The following BEND7 variants were observed in gnomAD, a reference collection of about 807,000 sequenced individuals.
BEND7 encodes the protein BEN domain containing 7.
Under a neutral mutation model 50.9 loss-of-function variants are expected in BEND7, and 28 were observed. The ratio of observed to expected loss-of-function variants is 0.55; its 90% confidence interval spans 0.41 to 0.75. BEND7 has a LOEUF of 0.75. Among genes scored for constraint, BEND7 ranks in the 30% least tolerant of loss-of-function variants. The pLI, the probability that BEND7 is intolerant of heterozygous loss-of-function variation, is 0.00. For missense variants in BEND7, 477 were observed against 491.3 expected, an observed-to-expected ratio of 0.97 and a Z score of 0.28; for synonymous variants, 170 against 183.9, an observed-to-expected ratio of 0.92 and a Z score of 0.61.
intron 6 of BEND7, among the ~76,000 whole-genome samples, chr10:13,471,705 G>A (rs958595097): frequency 1.3e-5 from 2 of 152,216 alleles, no homozygotes; most frequent in Non-Finnish European, 2.9e-5. Context: ...CAAAGAATGA[G>A]GGCAGCTCAG....
intron 2 of BEND7, among the ~76,000 whole-genome samples, chr10:13,514,185 C>T (rs1013348223): frequency 8.5e-5 from 13 of 152,180 alleles, no homozygotes; most frequent in African/African-American, 3.1e-4. Context: ...CTTATCACAA[C>T]CTAGTGGGTT....
At position 13,500,041 on chromosome 10, in the gene BEND7, A is replaced by G; in HGVS notation, c.185T>C (p.Met62Thr). 6.2e-7 allele frequency: 1 copy of G among 1,603,518 alleles called. No homozygotes were observed. The highest frequency in any genetic ancestry group is 1.1e-5 in the South Asian group (1 of 90,718). Residue 62 changes from methionine (M) to threonine (T), a missense_variant, in exon 3 of 9, where the codon ATG becomes ACG. Physicochemically the swap from Met to Thr is moderately conservative, Grantham distance 81. Transcript: ENST00000466271. ...AGTGCTGTCGTTCAGCAATCTTCTC[A>G]TCCCTGTAATTTGCTTTTTTATTTC... ...SMEIKKQITG[M>T]RRLLNDSTGR...
chr10:13,519,090 C>T (rs2078901384), intron 2 of BEND7, among the ~76,000 whole-genome samples: 1 of 152,174 alleles, frequency 6.6e-6, no homozygotes, highest in Admixed American at 6.5e-5. Flanking sequence ...AATAAAGCCA[C>T]ACACAAAAAT....
chr10:13,444,631 T>A (rs1481292649), intron 8 of BEND7: 1 of 152,154 alleles, frequency 6.6e-6, no homozygotes, highest in Non-Finnish European at 1.5e-5. Context: ...AAACCACATG[T>A]GCGAGAAAGG....
intron 2 of BEND7, among the ~76,000 whole-genome samples, chr10:13,502,704 G>A (rs1344105258): frequency 6.6e-6 from 1 of 152,146 alleles, no homozygotes; most frequent in Non-Finnish European, 1.5e-5. Context: ...TTTCTGTGTG[G>A]TTTCCACCCA....
downstream of BEND7, among the ~76,000 whole-genome samples, chr10:13,440,236 C>A (rs114813722): frequency 6.3e-3 from 958 of 152,314 alleles, 8 homozygotes; most frequent in African/African-American, 0.022. Flanking sequence ...CCTGTGGGAT[C>A]AAGGGCATCC....
At chr10:13,469,187 C>T (rs12254951) in intron 6 of BEND7, among the ~76,000 whole-genome samples, 1 of 151,988 alleles carries the variant, frequency 6.6e-6, no homozygotes, top group African/African-American at 2.4e-5. Context: ...ATGCTAGGGT[C>T]GAGTATAAAA....
chr10:13,445,173 T>G (rs1206554645), intron 8 of BEND7: 2 of 152,194 alleles, frequency 1.3e-5, no homozygotes, highest in South Asian at 2.1e-4. Flanking sequence ...GCTTAGTGAT[T>G]TGTATCAAAT....
intron 7 of BEND7, among the ~76,000 whole-genome samples, chr10:13,452,268 T>C (rs904892526): frequency 3.3e-5 from 5 of 152,214 alleles, no homozygotes; most frequent in Middle Eastern, 3.2e-3. Context: ...GGTTTTCATA[T>C]ATGACAGCAT....
At chr10:13,517,065 CTTTTT>C (rs5783329) in intron 2 of BEND7, among the ~76,000 whole-genome samples, 3 of 126,132 alleles carry the variant, frequency 2.4e-5, no homozygotes, top group Non-Finnish European at 5.1e-5. Context: ...TTTCTGGTGG[CTTTTT>C]TTTTTTTTTT....
Position 13,492,591 on chromosome 10 carries a change from G to A in BEND7, c.837+20C>T. ...AAGTTACATAGCATTAGAGTCAGCA[G>A]CCAGAAAATGGCAACTTACATCTGA... On this transcript the variant is annotated intron_variant, in intron 5 of 8. Coordinates refer to ENST00000466271, the MANE Select transcript of BEND7 (RefSeq NM_001369863.1). 3 of 1,612,514 alleles carry A rather than the reference G, an allele frequency of 1.9e-6. No homozygotes were observed. The highest frequency in any genetic ancestry group is 2.5e-6 in the Non-Finnish European group (3 of 1,179,624).
At chr10:13,497,806 AG>A (rs1767823680) in intron 3 of BEND7, among the ~76,000 whole-genome samples, 1 of 152,186 alleles carries the variant, frequency 6.6e-6, no homozygotes, top group Admixed American at 6.5e-5. Context: ...CAGGCCAGCA[AG>A]GTAAGTTCCA....
At chr10:13,467,083 G>A (rs4750365) in intron 6 of BEND7, among the ~76,000 whole-genome samples, 96,569 of 152,032 alleles carry the variant, frequency 0.64, 31,404 homozygotes, top group East Asian at 0.86. Flanking sequence ...ATGCTGGGGC[G>A]TCAGGACAGG....
In BEND7 at chr10:13,451,382, GGTGT is replaced by G. The variant is rs532060395; in HGVS notation, c.1183+1153_1183+1156del. Among the ~76,000 whole-genome samples, 14 of 147,740 alleles carry G rather than the reference GGTGT, an allele frequency of 9.5e-5. No homozygotes were observed. The South Asian group carries it at 2.2e-3, about 23-fold the overall frequency. On this transcript the variant is annotated intron_variant, in intron 7 of 8. Coordinates refer to ENST00000466271, the MANE Select transcript of BEND7 (RefSeq NM_001369863.1). ...TTTTAAGATTTTTTTCTTTTTTTTT[GGTGT>G]GTGTGTGTGTGTTTGTGTGTGTGTA...
intron 6 of BEND7, among the ~76,000 whole-genome samples, chr10:13,475,394 T>C (rs1478658552): frequency 6.6e-6 from 1 of 152,250 alleles, no homozygotes; most frequent in Admixed American, 6.5e-5. Flanking sequence ...AAACTAGAAT[T>C]TGATTTACAT....
At position 13,441,690 on chromosome 10, in the gene BEND7, A is replaced by G; in HGVS notation, c.*53T>C. On this transcript the variant is annotated 3_prime_UTR_variant, in exon 9 of 9. Transcript: ENST00000466271. ...GCTCCTTGTGGGAGGCAGAGGACGGATTTTAAAACCCATGGTGCAAAAAAC... is the reference window on the plus strand; with the variant it reads ...GCTCCTTGTGGGAGGCAGAGGACGGGTTTTAAAACCCATGGTGCAAAAAAC... The G allele has an allele frequency of 6.2e-7, 1 of 1,612,248 alleles. No individual in the cohort carries two copies.
chr10:13,504,955 C>T (rs931879738), intron 2 of BEND7, among the ~76,000 whole-genome samples: 13 of 152,168 alleles, frequency 8.5e-5, no homozygotes, highest in Admixed American at 6.5e-4. Flanking sequence ...GAGGGCAACA[C>T]AGAAGTCAAC....
chr10:13,517,827 C>A (rs1300056633), intron 2 of BEND7, among the ~76,000 whole-genome samples: 1 of 152,206 alleles, frequency 6.6e-6, no homozygotes, highest in Non-Finnish European at 1.5e-5. Context: ...CCGTGTGGAT[C>A]GCAATGGCTG....
intron 6 of BEND7, among the ~76,000 whole-genome samples, chr10:13,459,217 C>T (rs1839694490): frequency 6.6e-6 from 1 of 152,082 alleles, no homozygotes; most frequent in Admixed American, 6.5e-5. Context: ...GCATGGTGGC[C>T]AACTGGGGAG....
Sources: allele counts gnomAD v4.1 joint callset (sites outside exome capture counted in the v4.1 genomes callset), GRCh38; gene constraint gnomAD v4.1.1; transcripts MANE v1.5; gene names NCBI Gene and HGNC (gene_info 2026-07-23, HGNC 2026-07-21).